The following MED13 variants were observed in gnomAD, a reference collection of about 807,000 sequenced individuals.
MED13 encodes the protein mediator of RNA polymerase II transcription subunit 13.
In MED13, 23 loss-of-function variants were observed where a neutral mutation model predicts 225.2. The ratio of observed to expected loss-of-function variants is 0.10; its 90% CI spans 0.07 to 0.14. The LOEUF (loss-of-function observed/expected upper bound fraction) is 0.14. Ranked by LOEUF, MED13 falls within the 10% of genes least tolerant of loss-of-function variation. MED13 has a pLI of 1.00. For missense variants in MED13, 2,197 were observed against 2,594.5 expected (o/e 0.85, Z 3.33); for synonymous variants, 942 against 889.2 (o/e 1.06, Z -1.06).
At chr17:61,951,623 G>C (rs1166893038) in intron 27 of MED13, among the ~76,000 whole-genome samples, 1 of 152,060 alleles carries the variant, frequency 6.6e-6, no homozygotes, top group African/African-American at 2.4e-5. Context: ...TTAGGGTATA[G>C]CAAAAATGCA....
chr17:62,063,437 CA>C (rs992427176), intron 1 of MED13, 136 bp from the exon 2 acceptor site: 3 of 567,232 alleles, frequency 5.3e-6, no homozygotes, highest in Non-Finnish European at 9.1e-6. Flanking sequence ...CAAATTAGAA[CA>C]AAAAAAGACT....
chr17:62,031,487 C>T lies in MED13; in HGVS notation c.966G>A (p.Ser322=), dbSNP rs371760184. ...GAGACGTAGGTGGTGTAAGCGTAAC[C>T]GAAGACATAGCAGGATCTCTTGTGG... The part of the protein sequence containing the change: ...PASTRDPAMS[S]VTLTPPTSPE... Residue 322 remains serine (S), a synonymous_variant, in exon 6 of 30, where the codon TCG becomes TCA. Transcript: ENST00000397786. 38 of 1,613,184 alleles carry T rather than the reference C, an allele frequency of 2.4e-5. No individual in the cohort carries two copies. The highest frequency in any genetic ancestry group is 2.1e-4 in the African/African-American group (16 of 74,858).
At chr17:62,021,833 T>C (rs1215686279) in intron 8 of MED13, among the ~76,000 whole-genome samples, 1 of 152,096 alleles carries the variant, frequency 6.6e-6, no homozygotes, top group Non-Finnish European at 1.5e-5. Context: ...ACCTAGTTTA[T>C]TTCCTTCCCA....
At position 61,961,663 on chromosome 17, in the gene MED13, T is replaced by C. The variant is rs1409626142; in HGVS notation, c.5181A>G (p.Pro1727=). The stretch of plus-strand genomic sequence containing the variant: ...TCAATGTTTTCACATTGGTTGATGT[T>C]GGAAGTGGCCTCCGACACTGGGTAA... The part of the protein sequence containing the change: ...SAFTQCRRPL[P]TSTNVKTLTG... The change falls in exon 22 of 30, where the codon CCA becomes CCG. Residue 1727 remains proline (P), a synonymous_variant. Coordinates refer to ENST00000397786, the MANE Select transcript of MED13 (RefSeq NM_005121.3). 4.3e-6 allele frequency: 7 copies of C among 1,614,062 alleles called. No individual in the cohort carries two copies. Among genetic ancestry groups the C allele is most frequent in the Non-Finnish European group, 5.9e-6 (7 of 1,180,042 alleles).
intron 9 of MED13, among the ~76,000 whole-genome samples, chr17:61,996,475 T>C (rs1347344556): frequency 1.3e-5 from 2 of 152,168 alleles, no homozygotes; most frequent in African/African-American, 4.8e-5. Flanking sequence ...ATCATCTTGT[T>C]CTTCTCCTCT....
chr17:61,980,349 T>C (rs1372889312), intron 16 of MED13, among the ~76,000 whole-genome samples: 1 of 152,180 alleles, frequency 6.6e-6, no homozygotes, highest in Non-Finnish European at 1.5e-5. Context: ...TATCTACAAT[T>C]ACTCTACAGT....
rs1039894110 is a variant in MED13 at position 61,944,346 on chromosome 17, C to T, written c.*2122G>A. ...TCTTTTTATGGAAATTCCAAATAAGCACATTTTCCTTCAAATCTCAGACAA... is the reference window on the plus strand; with the variant it reads ...TCTTTTTATGGAAATTCCAAATAAGTACATTTTCCTTCAAATCTCAGACAA... On this transcript the variant is annotated 3_prime_UTR_variant, in exon 30 of 30. Coordinates refer to ENST00000397786, the MANE Select transcript of MED13 (RefSeq NM_005121.3). 2.7e-5 allele frequency: 4 copies of T among 150,628 alleles called. No individual in the cohort carries two copies. The highest frequency in any genetic ancestry group is 9.8e-5 in the African/African-American group (4 of 41,018). The allele number at this position is 150,628 out of a possible 1,614,324, so 9.3% of individuals were successfully genotyped here. A position where few individuals can be genotyped will look rare whatever the true frequency, so the allele number is the denominator to read the frequency against.
chr17:62,035,688 T>G, intron 3 of MED13, 80 bp from the exon 4 acceptor site: 1 of 1,381,802 alleles, frequency 7.2e-7, no homozygotes, highest in Non-Finnish European at 9.7e-7. Context: ...TTAGGAAGTA[T>G]GCAAAAATGC....
intron 3 of MED13, among the ~76,000 whole-genome samples, chr17:62,050,359 A>AG (rs1328252040): frequency 6.6e-6 from 1 of 151,030 alleles, no homozygotes; most frequent in East Asian, 1.9e-4. Context: ...ACTCCGTATC[A>AG]GAAAAAAAAA....
rs2143791851 is a variant in MED13, at chr17:62,063,308, G to A, written c.67-7C>T. On this transcript the variant is annotated splice_region_variant and splice_polypyrimidine_tract_variant and intron_variant, in intron 1 of 29. Transcript: ENST00000397786. ...TAATTCCTGTCAAGTCAGCCTGAAGGAAAGAAAGCATTAAGTTTTATTACT... is the reference window on the plus strand; with the variant it reads ...TAATTCCTGTCAAGTCAGCCTGAAGAAAAGAAAGCATTAAGTTTTATTACT... 6.3e-7 allele frequency: 1 copy of A among 1,591,316 alleles called. No homozygotes were observed. The highest frequency in any genetic ancestry group is 1.1e-5 in the South Asian group (1 of 90,240).
intron 3 of MED13, among the ~76,000 whole-genome samples, chr17:62,051,049 A>C (rs570001513): frequency 1.3e-5 from 2 of 152,178 alleles, no homozygotes; most frequent in Admixed American, 6.5e-5. Flanking sequence ...TTAACTGCCT[A>C]CCCAATATCC....
chr17:62,044,160 G>A (rs2080878485), intron 3 of MED13, among the ~76,000 whole-genome samples: 1 of 151,624 alleles, frequency 6.6e-6, no homozygotes, highest in Non-Finnish European at 1.5e-5. Flanking sequence ...TAATGTAAAA[G>A]CCATACATAT....
Position 62,029,873 on chromosome 17 carries a change from T to G in MED13, c.1150A>C (p.Asn384His), listed in dbSNP as rs947609825. The stretch of plus-strand genomic sequence containing the variant: ...CACTTGTTCTGTGCTCTGTTCATAT[T>G]GCATTCTTGCCAAACTCTATCCACC... ...HVVDRVWQEC[N>H]MNRAQNKRKY... Residue 384 changes from asparagine to histidine, a missense_variant, in exon 7 of 30, where the codon AAT (asparagine) becomes CAT (histidine). By Grantham distance (68) the Asn-to-His change is moderately conservative (BLOSUM62 1). Coordinates refer to ENST00000397786, the MANE Select transcript of MED13 (RefSeq NM_005121.3). 6.2e-7 allele frequency: 1 copy of G among 1,611,834 alleles called. No individual in the cohort carries two copies. The highest frequency in any genetic ancestry group is 8.5e-7 in the Non-Finnish European group (1 of 1,179,424).
In MED13 at chr17:61,965,573, G is replaced by A. The variant is rs145781745; in HGVS notation, c.4382-105C>T. 878 of 1,183,040 alleles carry A rather than the reference G, an allele frequency of 7.4e-4. 2 individuals carry two copies. In the African/African-American group the frequency reaches 0.013, roughly 17 times the overall value. 73.3% of individuals were successfully genotyped at this position (1,183,040 alleles called of 1,614,324 possible). On this transcript the variant is annotated intron_variant, in intron 19 of 29. Transcript: ENST00000397786. ...TCATAATCCAGTTGATGTTTTCTTG[G>A]TAATTATAGCCCCGAAATTGCTTGC...
At chr17:62,020,844 A>G (rs1397085861) in intron 8 of MED13, among the ~76,000 whole-genome samples, 2 of 151,986 alleles carry the variant, frequency 1.3e-5, no homozygotes, top group African/African-American at 2.4e-5. Context: ...GGCCTTCCTC[A>G]GTGTTTGTGT....
chr17:62,015,930 A>ACACAC (rs2080566211), intron 8 of MED13, among the ~76,000 whole-genome samples: 1 of 6,658 alleles, frequency 1.5e-4, no homozygotes, highest in Admixed American at 2.4e-3. Context: ...ATATATATAT[A>ACACAC]TATATATATA....
At chr17:62,064,125 A>G (rs1274146598) in intron 1 of MED13, among the ~76,000 whole-genome samples, 1 of 152,240 alleles carries the variant, frequency 6.6e-6, no homozygotes, top group African/African-American at 2.4e-5. Context: ...ACACTTGCCA[A>G]CTAGTTGTGC....
rs762765891 is a variant in MED13 at position 61,984,538 on chromosome 17, CAACTT to C, written c.2691+108_2691+112del. On this transcript the variant is annotated intron_variant, in intron 14 of 29. Coordinates refer to ENST00000397786, the MANE Select transcript of MED13 (RefSeq NM_005121.3). ...ATAGTGACAACAATAATTCAGTCCTCAACTTAGCTACAAAACCGCAACCACTATAA... is the reference window on the plus strand; with the variant it reads ...ATAGTGACAACAATAATTCAGTCCTCAGCTACAAAACCGCAACCACTATAA... 1.8e-4 allele frequency: 177 copies of C among 1,005,038 alleles called. No individual in the cohort carries two copies. In the East Asian group the frequency reaches 3.7e-3, roughly 21 times the overall value. The allele number at this position is 1,005,038 out of a possible 1,614,324, so 62.3% of individuals were successfully genotyped here.
In MED13 at chr17:61,953,008, T is replaced by C. The variant is rs945452031; in HGVS notation, c.6074A>G (p.His2025Arg). ...ATGGGGGTAATGAGATCCTGGAGAA[T>C]GTACAGGAGAACCAGTTGGAGAAGC... ...LPASPTGSPVHSPGSHYPHGG... is the reference protein window; with the variant it reads ...LPASPTGSPVRSPGSHYPHGG... The change falls in exon 27 of 30, where the codon CAT becomes CGT. Residue 2025 changes from histidine to arginine, a missense_variant. Physicochemically the swap from His to Arg is conservative, Grantham distance 29. Transcript: ENST00000397786. 6.2e-7 allele frequency: 1 copy of C among 1,614,060 alleles called. No homozygotes were observed. Among genetic ancestry groups the C allele is most frequent in the Non-Finnish European group, 8.5e-7 (1 of 1,179,972 alleles).
Sources: allele counts gnomAD v4.1 joint callset (sites outside exome capture counted in the v4.1 genomes callset), GRCh38; gene constraint gnomAD v4.1.1; transcripts MANE v1.5; gene names NCBI Gene and HGNC (gene_info 2026-07-23, HGNC 2026-07-21).